Variants in PRPH2 observed in about 807,000 individuals in gnomAD.
The protein encoded by PRPH2 is peripherin-2.
Under a neutral mutation model 31.3 loss-of-function variants are expected in PRPH2, and 17 were observed. That is an observed-to-expected ratio of 0.54 (90% confidence interval 0.37 to 0.81). PRPH2 has a LOEUF of 0.81. Among genes scored for constraint, PRPH2 ranks in the 40% least tolerant of loss-of-function variants. The pLI, the probability that PRPH2 is intolerant of heterozygous loss-of-function variation, is 0.00. For synonymous variants in PRPH2, 165 were observed against 184.4 expected, an observed-to-expected ratio of 0.89 and a Z score of 0.85; for missense variants, 430 against 439.7, an observed-to-expected ratio of 0.98 and a Z score of 0.20.
chr6:42,703,470 A>C (rs988534244), intron 2 of PRPH2, among the ~76,000 whole-genome samples: 1 of 151,924 alleles, frequency 6.6e-6, no homozygotes, highest in Non-Finnish European at 1.5e-5. Context: ...AATAGTCCCC[A>C]AAGCTAAGTG....
Position 42,704,427 on chromosome 6 carries a change from T to C in PRPH2, c.766A>G (p.Ser256Gly). 6.2e-7 allele frequency: 1 copy of C among 1,611,178 alleles called. No individual in the cohort carries two copies. Among genetic ancestry groups the C allele is most frequent in the Non-Finnish European group, 8.5e-7 (1 of 1,178,766 alleles). Residue 256 changes from serine (S) to glycine (G), a missense_variant, in exon 2 of 3, where the codon AGC (serine) becomes GGC (glycine). Ser to Gly is a moderately conservative substitution (Grantham distance 56, BLOSUM62 0). Coordinates refer to ENST00000230381, the MANE Select transcript of PRPH2 (RefSeq NM_000322.5). Reference sequence around the variant, plus strand: ...GAGTTCATGAGGCTGCTGTAGTAGCTCAGCAGGGCAGCCCTGCAGCCACGC... The same window carrying C: ...GAGTTCATGAGGCTGCTGTAGTAGCCCAGCAGGGCAGCCCTGCAGCCACGC... ...WVRGCRAALL[S>G]YYSSLMNSMG... is the part of the protein sequence containing the mutation.
rs748478593 is a variant in PRPH2, at chr6:42,721,805, A to T, written c.530T>A (p.Ile177Asn). 1.2e-6 allele frequency: 2 copies of T among 1,614,154 alleles called. No individual in the cohort carries two copies. The highest frequency in any genetic ancestry group is 2.2e-5 in the South Asian group (2 of 91,078). Residue 177 changes from isoleucine to asparagine, a missense_variant, in exon 1 of 3, where the codon ATT (isoleucine) becomes AAT (asparagine). By Grantham distance (149) the Ile-to-Asn change is moderately radical (BLOSUM62 -3). Coordinates refer to ENST00000230381, the MANE Select transcript of PRPH2 (RefSeq NM_000322.5). Reference sequence around the variant, plus strand: ...CAGGTAGCGATTGCTGATCCACTGAATCTCAAACCAGTCCCGAAAACCGTT... The same window carrying T: ...CAGGTAGCGATTGCTGATCCACTGATTCTCAAACCAGTCCCGAAAACCGTT... ...GNNGFRDWFE[I>N]QWISNRYLDF...
At position 42,700,987 on chromosome 6, in the gene PRPH2, C is replaced by CT. The variant is rs11309863; in HGVS notation, c.829-2481dup. 9.4e-3 allele frequency among the ~76,000 whole-genome samples: 1,312 copies of CT among 139,938 alleles called. 22 individuals carry two copies. The highest frequency in any genetic ancestry group is 0.031 in the African/African-American group (1,160 of 37,908). The allele number at this position is 139,938 out of a possible 152,430, so 91.8% of individuals were successfully genotyped here. A position where few individuals can be genotyped will look rare whatever the true frequency, so the allele number is the denominator to read the frequency against. On this transcript the variant is annotated intron_variant, in intron 2 of 2. Coordinates refer to ENST00000230381, the MANE Select transcript of PRPH2 (RefSeq NM_000322.5). ...TTCATTTTCCCACTGACTTTTCTTT[C>CT]TTTTTTTTTTTTTTTGGAGATAGAG... is the stretch of plus-strand genomic sequence containing the variant.
intron 1 of PRPH2, among the ~76,000 whole-genome samples, chr6:42,720,557 C>T (rs1761884119): frequency 6.6e-6 from 1 of 152,152 alleles, no homozygotes; most frequent in African/African-American, 2.4e-5. Context: ...AAGAAGTGAC[C>T]TTCACTTGGA....
intron 2 of PRPH2, among the ~76,000 whole-genome samples, chr6:42,700,096 T>C (rs527929800): frequency 6.6e-6 from 1 of 152,106 alleles, no homozygotes; most frequent in South Asian, 2.1e-4. Context: ...GTAGCTGGGA[T>C]TACAGGCGTC....
At position 42,721,787 on chromosome 6, in the gene PRPH2, C is replaced by T. The variant is rs960152679; in HGVS notation, c.548G>A (p.Arg183His). 14 of 1,614,178 alleles carry T rather than the reference C, an allele frequency of 8.7e-6. No homozygotes were observed. Among genetic ancestry groups the T allele is most frequent in the Non-Finnish European group, 1.0e-5 (12 of 1,180,030 alleles). The change falls in exon 1 of 3, where the codon CGC (arginine) becomes CAC (histidine). Residue 183 changes from arginine to histidine, a missense_variant. Coordinates refer to ENST00000230381, the MANE Select transcript of PRPH2 (RefSeq NM_000322.5). ...TTCTTTGGAGGAAAAGTCCAGGTAG[C>T]GATTGCTGATCCACTGAATCTCAAA... Reference protein sequence around the residue: ...DWFEIQWISNRYLDFSSKEVK... With the variant: ...DWFEIQWISNHYLDFSSKEVK...
chr6:42,700,474 TA>T (rs1800026392), intron 2 of PRPH2, among the ~76,000 whole-genome samples: 1 of 152,224 alleles, frequency 6.6e-6, no homozygotes, highest in South Asian at 2.1e-4. Flanking sequence ...AGGGCCTCAG[TA>T]AATCTCTTTT....
chr6:42,703,442 C>T (rs1347990751), intron 2 of PRPH2, among the ~76,000 whole-genome samples: 2 of 152,174 alleles, frequency 1.3e-5, no homozygotes, highest in African/African-American at 4.8e-5. Context: ...CCTGCACATG[C>T]TGTTCATGTT....
At chr6:42,704,282 C>A in intron 2 of PRPH2, 83 bp downstream of exon 2, 1 of 1,539,358 alleles carries the variant, frequency 6.5e-7, no homozygotes, top group South Asian at 1.2e-5. Flanking sequence ...GGCATGCTCT[C>A]CAAGCCTGGC....
intron 1 of PRPH2, among the ~76,000 whole-genome samples, chr6:42,717,466 A>G (rs1460712667): frequency 1.3e-5 from 2 of 151,922 alleles, no homozygotes; most frequent in African/African-American, 4.8e-5. Context: ...TGCCGGCCTC[A>G]CCTCTTTGCC....
Position 42,698,429 on chromosome 6 carries a change from T to C in PRPH2, c.907A>G (p.Ser303Gly). 1.2e-6 allele frequency: 2 copies of C among 1,612,354 alleles called. No individual in the cohort carries two copies. The highest frequency in any genetic ancestry group is 2.2e-5 in the South Asian group (2 of 90,972). ...VSNPEESESESQGWLLERSVP... is the reference protein window; with the variant it reads ...VSNPEESESEGQGWLLERSVP... Reference sequence around the variant, plus strand: ...CTCCTCTCCAGCAGCCAGCCCTGGCTCTCGCTCTCAGATTCCTCGGGGTTG... The same window carrying C: ...CTCCTCTCCAGCAGCCAGCCCTGGCCCTCGCTCTCAGATTCCTCGGGGTTG... The change falls in exon 3 of 3, where the codon AGC becomes GGC. Residue 303 changes from serine to glycine, a missense_variant. Physicochemically the swap from Ser to Gly is moderately conservative, Grantham distance 56 (BLOSUM62 0). Transcript: ENST00000230381.
At position 42,698,953 on chromosome 6, in the gene PRPH2, C is replaced by T. The variant is rs369381280; in HGVS notation, c.829-446G>A. On this transcript the variant is annotated intron_variant, in intron 2 of 2. Coordinates refer to ENST00000230381, the MANE Select transcript of PRPH2 (RefSeq NM_000322.5). ...TTATTCCTGGGTGCCTTCACCTCTA[C>T]ACCCCATTGCTTGGCACATATTGGG... 4.9e-4 allele frequency among the ~76,000 whole-genome samples: 74 copies of T among 152,220 alleles called. No homozygotes were observed. In the East Asian group the frequency reaches 7.6e-3, roughly 16 times the overall value.
intron 1 of PRPH2, among the ~76,000 whole-genome samples, chr6:42,716,962 C>CTTTTTTTTTTTTTTTTTT (rs1161769235): frequency 2.4e-4 from 11 of 45,208 alleles, no homozygotes; most frequent in African/African-American, 2.9e-4. Flanking sequence ...TCTTTCTTTT[C>CTTTTTTTTTTTTTTTTTT]TTTTTTTTTT....
intron 2 of PRPH2, among the ~76,000 whole-genome samples, chr6:42,698,959 A>G (rs989403039): frequency 2.0e-5 from 3 of 150,544 alleles, no homozygotes; most frequent in African/African-American, 7.3e-5. Flanking sequence ...TCTACACCCC[A>G]TTGCTTGGCA....
rs1761920637 is a variant in PRPH2, at chr6:42,722,295, C to A, written c.40G>T (p.Val14Phe). 1 of 1,613,974 alleles carries A rather than the reference C, an allele frequency of 6.2e-7. No individual in the cohort carries two copies. The highest frequency in any genetic ancestry group is 8.5e-7 in the Non-Finnish European group (1 of 1,180,040). Residue 14 changes from valine (V) to phenylalanine (F), a missense_variant, in exon 1 of 3, where the codon GTC becomes TTC. Val to Phe is a conservative substitution (Grantham distance 50). Coordinates refer to ENST00000230381, the MANE Select transcript of PRPH2 (RefSeq NM_000322.5). This position sits in a 1 kb window ranked among gnomAD's most constrained non-coding sequence, Gnocchi z 4.4. ...LKVKFDQKKRVKLAQGLWLMN... is the reference protein window; with the variant it reads ...LKVKFDQKKRFKLAQGLWLMN... ...AGCCAGAGCCCTTGGGCCAACTTGACCCGCTTCTTCTGGTCAAACTTGACT... is the reference window on the plus strand; with the variant it reads ...AGCCAGAGCCCTTGGGCCAACTTGAACCGCTTCTTCTGGTCAAACTTGACT...
intron 2 of PRPH2, among the ~76,000 whole-genome samples, chr6:42,701,716 G>T (rs1032044455): frequency 4.2e-5 from 3 of 71,910 alleles, no homozygotes; most frequent in Admixed American, 1.4e-4. Flanking sequence ...TTTTAGTAGA[G>T]ATGAGGGCTC....
chr6:42,721,898 G>T lies in PRPH2; in HGVS notation c.437C>A (p.Thr146Asn), dbSNP rs753035269. The change falls in exon 1 of 3, where the codon ACC (threonine) becomes AAC (asparagine). Residue 146 changes from threonine to asparagine, a missense_variant. Thr to Asn is a moderately conservative substitution (Grantham distance 65). Transcript: ENST00000230381. ...CTTCTTCATGAAACACCTGCCAGGGGTGTCTGTGTCCCGGTAGTACTTCAT... is the reference window on the plus strand; with the variant it reads ...CTTCTTCATGAAACACCTGCCAGGGTTGTCTGTGTCCCGGTAGTACTTCAT... The part of the protein sequence containing the change: ...NGMKYYRDTD[T>N]PGRCFMKKTI... 2 of 1,614,100 alleles carry T rather than the reference G, an allele frequency of 1.2e-6. No individual in the cohort carries two copies. The highest frequency in any genetic ancestry group is 4.5e-5 in the East Asian group (2 of 44,898).
At chr6:42,710,481 T>C (rs1261936957) in intron 1 of PRPH2, among the ~76,000 whole-genome samples, 1 of 152,168 alleles carries the variant, frequency 6.6e-6, no homozygotes, top group East Asian at 1.9e-4. Flanking sequence ...ATCATCTTGT[T>C]TACTCAGTGC....
chr6:42,706,975 C>CT (rs34162811), intron 1 of PRPH2, among the ~76,000 whole-genome samples: 1,465 of 123,590 alleles, frequency 0.012, 60 homozygotes, highest in African/African-American at 0.034. Context: ...TCTTGGAGAT[C>CT]TTTTTTTTTT....
Sources: gnomAD v4.1 joint callset for allele counts (sites outside exome capture counted in the v4.1 genomes callset) on GRCh38, gnomAD v4.1.1 for gene constraint, Gnocchi (gnomAD v3.1) non-coding constraint, MANE v1.5 for transcripts, NCBI Gene and HGNC (gene_info 2026-07-23, HGNC 2026-07-21) for gene names.